Variants in PCDHGA6 observed in about 807,000 individuals in gnomAD.
The protein encoded by PCDHGA6 is protocadherin gamma subfamily A, 6, also known as protocadherin gamma-A6.
In PCDHGA6, 41 loss-of-function variants were observed where a neutral mutation model predicts 60.6. The ratio of observed to expected loss-of-function variants is 0.68; its 90% CI spans 0.53 to 0.88. The LOEUF (loss-of-function observed/expected upper bound fraction) is 0.88. Among genes scored for constraint, PCDHGA6 ranks in the 40% least tolerant of loss-of-function variants. PCDHGA6 has a pLI of 0.00. For missense variants in PCDHGA6, 1,312 were observed against 1,203.0 expected (o/e 1.09, Z -1.34); for synonymous variants, 594 against 524.4 (o/e 1.13, Z -1.81).
Position 141,485,342 on chromosome 5 carries a change from G to C in PCDHGA6, c.2425-9465G>C. 1.2e-6 allele frequency: 2 copies of C among 1,614,164 alleles called. No individual in the cohort carries two copies. Among genetic ancestry groups the C allele is most frequent in the Non-Finnish European group, 1.7e-6 (2 of 1,180,026 alleles). On this transcript the variant is annotated intron_variant, in intron 1 of 3. Coordinates refer to ENST00000517434, the MANE Select transcript of PCDHGA6 (RefSeq NM_018919.3). The surrounding 1 kb of genome is among the most constrained non-coding windows in gnomAD (Gnocchi z 5.7). The stretch of plus-strand genomic sequence containing the variant: ...CGCTCAAGATTTCCTGCTGGATACG[G>C]ACAGTCTGTCAGCTCGCAGGCTGCA...
At chr5:141,423,463 G>T (rs772779471) in intron 1 of PCDHGA6, 22 of 1,613,992 alleles carry the variant, frequency 1.4e-5, no homozygotes, top group Non-Finnish European at 1.8e-5. Context: ...AGGCGTGGAC[G>T]GGGTACAGGC....
In PCDHGA6 at chr5:141,419,475, C is replaced by T. The variant is rs775720158; in HGVS notation, c.2424+42968C>T. On this transcript the variant is annotated intron_variant, in intron 1 of 3. Coordinates refer to ENST00000517434, the MANE Select transcript of PCDHGA6 (RefSeq NM_018919.3). Reference sequence around the variant, plus strand: ...ACGCTGCAGGCCCGCGACCAGGGCTCGCCCGCGCTCAGCGCCAATGTGAGC... The same window carrying T: ...ACGCTGCAGGCCCGCGACCAGGGCTTGCCCGCGCTCAGCGCCAATGTGAGC... The T allele has an allele frequency of 4.6e-5, 74 of 1,612,266 alleles. No homozygotes were observed. The highest frequency in any genetic ancestry group is 5.9e-5 in the Non-Finnish European group (70 of 1,179,514).
intron 1 of PCDHGA6, chr5:141,418,010 G>A: frequency 6.2e-7 from 1 of 1,613,914 alleles, no homozygotes; most frequent in African/African-American, 1.3e-5. Flanking sequence ...GGGGAACCTC[G>A]CTAAGGATCT....
At chr5:141,497,745 G>C (rs1475395529) in intron 2 of PCDHGA6, among the ~76,000 whole-genome samples, 1 of 152,070 alleles carries the variant, frequency 6.6e-6, no homozygotes, top group Non-Finnish European at 1.5e-5. Flanking sequence ...CGCCACGTTG[G>C]CCAGGCTGGT....
intron 1 of PCDHGA6, among the ~76,000 whole-genome samples, chr5:141,474,165 A>G (rs1444314307): frequency 6.6e-6 from 1 of 152,234 alleles, no homozygotes; most frequent in Non-Finnish European, 1.5e-5. Context: ...GACAGGCCTT[A>G]TTATTGAGAA....
At chr5:141,468,744 T>G (rs113912306) in intron 1 of PCDHGA6, among the ~76,000 whole-genome samples, 5,602 of 152,138 alleles carry the variant, frequency 0.037, 142 homozygotes, top group South Asian at 0.077. Flanking sequence ...CGGGTGCCTG[T>G]AGTCCCAGCT....
At chr5:141,398,850 A>G in intron 1 of PCDHGA6, 20 of 1,613,982 alleles carry the variant, frequency 1.2e-5, no homozygotes, top group Non-Finnish European at 1.6e-5. Flanking sequence ...ATCCCCCGGT[A>G]TTCAACCGAG....
In PCDHGA6 at chr5:141,491,736, G is replaced by T; in HGVS notation, c.2425-3071G>T. The T allele has an allele frequency of 6.2e-7, 1 of 1,600,560 alleles. No individual in the cohort carries two copies. Among genetic ancestry groups the T allele is most frequent in the Non-Finnish European group, 8.5e-7 (1 of 1,174,270 alleles). ...CGGCGCCGCCCCGGGCGACCCCTGG[G>T]GGCGGCACTGGAGAAGCCGCCCGTC... On this transcript the variant is annotated intron_variant, in intron 1 of 3. Coordinates refer to ENST00000517434, the MANE Select transcript of PCDHGA6 (RefSeq NM_018919.3). This position sits in a 1 kb window ranked among gnomAD's most constrained non-coding sequence, Gnocchi z 6.9.
intron 1 of PCDHGA6, chr5:141,385,052 G>T (rs559398944): frequency 1.2e-6 from 2 of 1,614,152 alleles, no homozygotes; most frequent in South Asian, 2.2e-5. Context: ...AGGCTGCGGC[G>T]CTGGCACAAG....
chr5:141,436,600 G>C (rs1054182433), intron 1 of PCDHGA6, among the ~76,000 whole-genome samples: 2 of 152,154 alleles, frequency 1.3e-5, no homozygotes, highest in African/African-American at 2.4e-5. Context: ...CGTGGTGATG[G>C]CTAGGGCTAA....
intron 1 of PCDHGA6, among the ~76,000 whole-genome samples, chr5:141,473,757 T>C (rs993403397): frequency 6.6e-6 from 1 of 152,240 alleles, no homozygotes; most frequent in Non-Finnish European, 1.5e-5. Context: ...TTGGATACTA[T>C]GCAAAGGATT....
In PCDHGA6 at chr5:141,387,468, A is replaced by G. The variant is rs190489292; in HGVS notation, c.2424+10961A>G. On this transcript the variant is annotated intron_variant, in intron 1 of 3. Transcript: ENST00000517434. ...TACATGATTTGCCTAAAAATCCTCA[A>G]AGTTGGGATGAAGGCATTCCTAAGA... Among the ~76,000 whole-genome samples the G allele has an allele frequency of 3.6e-3, 554 of 152,350 alleles. 1 individual carries two copies. Among genetic ancestry groups the G allele is most frequent in the Non-Finnish European group, 6.0e-3 (405 of 68,034 alleles).
At chr5:141,460,159 T>A (rs1313260289) in intron 1 of PCDHGA6, among the ~76,000 whole-genome samples, 3 of 152,260 alleles carry the variant, frequency 2.0e-5, no homozygotes, top group Non-Finnish European at 1.5e-5. Context: ...CTTTGTCACA[T>A]ACATATTTTG....
intron 1 of PCDHGA6, chr5:141,430,541 C>T: frequency 2.5e-6 from 1 of 392,344 alleles, no homozygotes; most frequent in Non-Finnish European, 4.5e-6. Flanking sequence ...ACTCTGAGCG[C>T]CGCTGTTCAC....
At chr5:141,438,996 A>G (rs2098080427) in intron 1 of PCDHGA6, among the ~76,000 whole-genome samples, 1 of 151,634 alleles carries the variant, frequency 6.6e-6, no homozygotes, top group African/African-American at 2.4e-5. Flanking sequence ...AAGGCTAAGG[A>G]CCTGGTTTGT....
chr5:141,402,850 T>C (rs1447900346), intron 1 of PCDHGA6: 7 of 1,417,624 alleles, frequency 4.9e-6, no homozygotes, highest in Non-Finnish European at 6.5e-6. Context: ...TCAGCCTCTT[T>C]CTTCTAAGGA....
chr5:141,494,643 AG>A, intron 1 of PCDHGA6, 163 bp from the exon 2 acceptor site: 1 of 928,048 alleles, frequency 1.1e-6, no homozygotes, highest in Non-Finnish European at 1.3e-6. Flanking sequence ...CTGAGACCTG[AG>A]GTGTATTTTG....
chr5:141,489,641 C>T lies in PCDHGA6; in HGVS notation c.2425-5166C>T, dbSNP rs1356716387. On this transcript the variant is annotated intron_variant, in intron 1 of 3. Coordinates refer to ENST00000517434, the MANE Select transcript of PCDHGA6 (RefSeq NM_018919.3). This position sits in a 1 kb window ranked among gnomAD's most constrained non-coding sequence, Gnocchi z 4.5. The stretch of plus-strand genomic sequence containing the variant: ...CTCAATGACAACTCTCCTAGCTTTG[C>T]CACCCCTGAGCGAGAGATGCGCATC... The T allele has an allele frequency of 2.5e-6, 4 of 1,614,008 alleles. No individual in the cohort carries two copies. The highest frequency in any genetic ancestry group is 3.4e-6 in the Non-Finnish European group (4 of 1,180,012).
chr5:141,495,034 A>C (rs986393420), intron 2 of PCDHGA6, 169 bp downstream of exon 2: 1 of 962,702 alleles, frequency 1.0e-6, no homozygotes, highest in Non-Finnish European at 1.2e-6. Context: ...CCCCGGAAGG[A>C]AGAGGCGACT....
Sources: gnomAD v4.1 joint callset for allele counts (sites outside exome capture counted in the v4.1 genomes callset) on GRCh38, gnomAD v4.1.1 for gene constraint, Gnocchi (gnomAD v3.1) non-coding constraint, MANE v1.5 for transcripts, NCBI Gene and HGNC (gene_info 2026-07-23, HGNC 2026-07-21) for gene names.